Variants in UTS2B observed in about 807,000 individuals in gnomAD.
UTS2B encodes the protein urotensin 2B, also known as urotensin-2B.
Under a neutral mutation model 19.2 loss-of-function variants are expected in UTS2B, and 21 were observed. The ratio of observed to expected loss-of-function variants is 1.09; its 90% CI spans 0.78 to 1.58. UTS2B has a LOEUF of 1.58. Among genes scored for constraint, UTS2B ranks in the 40% most tolerant of loss-of-function variants. The pLI is 0.00. For synonymous variants in UTS2B, 57 were observed against 50.2 expected, an observed-to-expected ratio of 1.14 and a Z score of -0.58; for missense variants, 138 against 130.3, an observed-to-expected ratio of 1.06 and a Z score of -0.29.
At chr3:191,325,438 C>T (rs1717720345) in intron 2 of UTS2B, among the ~76,000 whole-genome samples, 1 of 152,008 alleles carries the variant, frequency 6.6e-6, no homozygotes, top group African/African-American at 2.4e-5. Flanking sequence ...CCAGGTGACC[C>T]CTGAGTTCCA....
intron 5 of UTS2B, 54 bp downstream of exon 5, chr3:191,282,033 G>T: frequency 2.4e-6 from 3 of 1,264,770 alleles, no homozygotes; most frequent in Non-Finnish European, 3.4e-6. Context: ...TGTTCAAATA[G>T]AAATAGAAGA....
At position 191,282,314 on chromosome 3, in the gene UTS2B, C is replaced by G. The variant is rs765258580; in HGVS notation, c.-124-1G>C. 1.8e-5 allele frequency: 11 copies of G among 621,162 alleles called. No individual in the cohort carries two copies. The highest frequency in any genetic ancestry group is 3.1e-5 in the Non-Finnish European group (11 of 352,432). The allele number at this position is 621,162 out of a possible 1,614,324, so 38.5% of individuals were successfully genotyped here. A position where few individuals can be genotyped will look rare whatever the true frequency, so the allele number is the denominator to read the frequency against. On this transcript the variant is annotated splice_acceptor_variant, in intron 4 of 8. Transcript: ENST00000340524. LOFTEE classifies it low-confidence loss of function (5UTR_SPLICE). ...CAAGTGTGCCTCAGTTACGAATGAT[C>G]TAGATGAAGGAAAAAGAAAGAAAGA...
Position 191,278,166 on chromosome 3 carries a change from A to G in UTS2B, c.108T>C (p.Asn36=), listed in dbSNP as rs753028042. Residue 36 remains asparagine, a synonymous_variant, in exon 6 of 9, where the codon AAT becomes AAC. Transcript: ENST00000340524. Reference sequence around the variant, plus strand: ...TATATTTTTTATCTGGAAATATTTCATTTCCTATAATGATCAAAAACCACC... The same window carrying G: ...TATATTTTTTATCTGGAAATATTTCGTTTCCTATAATGATCAAAAACCACC... ...VHGRPYLTQG[N]EIFPDKKYTN... is the part of the protein sequence containing the mutation. 6.0e-6 allele frequency: 9 copies of G among 1,495,778 alleles called. 1 individual carries two copies. In the South Asian group the frequency reaches 8.9e-5, roughly 15 times the overall value. The allele number at this position is 1,495,778 out of a possible 1,614,324, so 92.7% of individuals were successfully genotyped here. A position where few individuals can be genotyped will look rare whatever the true frequency, so the allele number is the denominator to read the frequency against.
upstream of UTS2B, among the ~76,000 whole-genome samples, chr3:191,334,329 A>G (rs1718076175): frequency 6.6e-6 from 1 of 152,200 alleles, no homozygotes; most frequent in Non-Finnish European, 1.5e-5. Flanking sequence ...GTAGACTTGC[A>G]TTACTTTTTT....
chr3:191,339,338 C>G, the UTS2B span, among the ~76,000 whole-genome samples: 1 of 152,110 alleles, frequency 6.6e-6, no homozygotes, highest in Non-Finnish European at 1.5e-5. Context: ...CAAATGTATC[C>G]TTCAAGGGAG....
At chr3:191,323,493 TCTAAGACA>T (rs907340999) in intron 2 of UTS2B, among the ~76,000 whole-genome samples, 2 of 152,072 alleles carry the variant, frequency 1.3e-5, no homozygotes, top group African/African-American at 2.4e-5. Context: ...TTCTCGCAAA[TCTAAGACA>T]CTAAGAGTAA....
At position 191,297,556 on chromosome 3, in the gene UTS2B, TATA is replaced by T. The variant is rs540968234; in HGVS notation, c.-125+6933_-125+6935del. On this transcript the variant is annotated intron_variant, in intron 4 of 8. Coordinates refer to ENST00000340524, the MANE Select transcript of UTS2B (RefSeq NM_198152.5). ...CTTCTTTCATATTCTTGTAGCATAA[TATA>T]ATGTGTTATTTTACCTGTTGCAATA... Among the ~76,000 whole-genome samples the T allele has an allele frequency of 1.2e-4, 18 of 152,372 alleles. No individual in the cohort carries two copies. The South Asian group carries it at 3.7e-3, about 32-fold the overall frequency.
intron 7 of UTS2B, among the ~76,000 whole-genome samples, chr3:191,276,233 G>A (rs1295164401): frequency 6.6e-6 from 1 of 152,128 alleles, no homozygotes; most frequent in South Asian, 2.1e-4. Flanking sequence ...TCTCCATGTT[G>A]GTGCTACTCA....
chr3:191,281,919 A>C (rs1363575843), intron 5 of UTS2B, among the ~76,000 whole-genome samples, 168 bp downstream of exon 5: 1 of 152,146 alleles, frequency 6.6e-6, no homozygotes, highest in Non-Finnish European at 1.5e-5. Flanking sequence ...ACAGCATTGA[A>C]GATGACATTT....
upstream of UTS2B, among the ~76,000 whole-genome samples, chr3:191,331,453 CTA>C (rs1169950576): frequency 6.6e-6 from 1 of 152,196 alleles, no homozygotes; most frequent in African/African-American, 2.4e-5. Flanking sequence ...TTTCCACACT[CTA>C]GAGTCTAATA....
intron 4 of UTS2B, among the ~76,000 whole-genome samples, chr3:191,292,937 G>T (rs1716757294): frequency 6.6e-6 from 1 of 152,064 alleles, no homozygotes; most frequent in Non-Finnish European, 1.5e-5. Context: ...CCAGGAGGCA[G>T]AAGGTGCAGT....
chr3:191,313,076 T>C (rs1560145248), intron 3 of UTS2B, among the ~76,000 whole-genome samples: 1 of 150,854 alleles, frequency 6.6e-6, no homozygotes, highest in Admixed American at 6.6e-5. Flanking sequence ...AGTGGTGTGA[T>C]CTCGGCCTCC....
upstream of UTS2B, among the ~76,000 whole-genome samples, chr3:191,332,126 C>T (rs151156122): frequency 1.3e-5 from 2 of 152,256 alleles, no homozygotes; most frequent in Admixed American, 1.3e-4. Flanking sequence ...GGGGATGGGG[C>T]ACCCTGTGAC....
intron 3 of UTS2B, among the ~76,000 whole-genome samples, chr3:191,314,653 GA>G (rs1002478727): frequency 7.2e-5 from 11 of 152,018 alleles, no homozygotes; most frequent in African/African-American, 2.4e-4. Flanking sequence ...CTGGTAATCA[GA>G]AAAAAACAAG....
At chr3:191,269,377 A>G (rs1489377210) in intron 8 of UTS2B, among the ~76,000 whole-genome samples, 4 of 152,168 alleles carry the variant, frequency 2.6e-5, no homozygotes, top group Admixed American at 2.6e-4. Flanking sequence ...CCTATTTTTC[A>G]TTTCTTCAAG....
At chr3:191,293,645 G>C (rs1283912388) in intron 4 of UTS2B, among the ~76,000 whole-genome samples, 1 of 151,894 alleles carries the variant, frequency 6.6e-6, no homozygotes, top group Non-Finnish European at 1.5e-5. Flanking sequence ...TTATTAAGAA[G>C]AGCCATGAGA....
At chr3:191,331,692 T>A (rs1291516344), upstream of UTS2B, among the ~76,000 whole-genome samples, 1 of 152,204 alleles carries the variant, frequency 6.6e-6, no homozygotes, top group Non-Finnish European at 1.5e-5. Flanking sequence ...AATGTCCTAC[T>A]AATGGTGGTG....
chr3:191,311,013 A>G (rs1190847759), intron 3 of UTS2B, among the ~76,000 whole-genome samples: 2 of 152,258 alleles, frequency 1.3e-5, no homozygotes, highest in East Asian at 3.8e-4. Context: ...GGTTCTGCCA[A>G]TATCTAAGTA....
In UTS2B at chr3:191,276,830, T is replaced by C. The variant is rs1290526146; in HGVS notation, c.217A>G (p.Asn73Asp). The C allele has an allele frequency of 3.7e-6, 6 of 1,612,260 alleles. No individual in the cohort carries two copies. The highest frequency in any genetic ancestry group is 1.3e-5 in the African/African-American group (1 of 75,020). Residue 73 changes from asparagine to aspartate, a missense_variant, in exon 7 of 9, where the codon AAC (asparagine) becomes GAC (aspartate). By Grantham distance (23) the Asn-to-Asp change is conservative. Transcript: ENST00000340524. ...ACCTGGTTAAGTTCTTCCAGTTTGT[T>C]AGGTAAGGCTAGGTCTGCAAGACAC... is the stretch of plus-strand genomic sequence containing the variant. The part of the protein sequence containing the change: ...RPFNTDLALP[N>D]KLEELNQLEK...
Sources: gnomAD v4.1 joint callset for allele counts (sites outside exome capture counted in the v4.1 genomes callset) on GRCh38, gnomAD v4.1.1 for gene constraint, MANE v1.5 for transcripts, NCBI Gene and HGNC (gene_info 2026-07-23, HGNC 2026-07-21) for gene names.